Variants in NBPF14 observed in about 807,000 individuals in gnomAD.
NBPF14 encodes the protein NBPF member 14.
NBPF14 carries 104 observed loss-of-function variants against 91.2 expected under a neutral mutation model. The ratio of observed to expected loss-of-function variants is 1.14; its 90% CI spans 0.97 to 1.34. NBPF14 has a LOEUF of 1.34. Among genes scored for constraint, NBPF14 ranks in the 40% most tolerant of loss-of-function variants. The pLI, the probability that NBPF14 is intolerant of heterozygous loss-of-function variation, is 0.00. For missense variants in NBPF14, 908 were observed against 783.0 expected, an observed-to-expected ratio of 1.16 and a Z score of -1.91; for synonymous variants, 294 against 303.8, an observed-to-expected ratio of 0.97 and a Z score of 0.34.
Position 148,559,864 on chromosome 1 carries a change from G to C in NBPF14, c.4658C>G (p.Ser1553Ter). 8 of 1,481,318 alleles carry C rather than the reference G, an allele frequency of 5.4e-6. 2 individuals are homozygous for C. The South Asian group carries it at 8.7e-5, about 16-fold the overall frequency. 91.8% of individuals were successfully genotyped at this position (1,481,318 alleles called of 1,614,324 possible). Residue 1553 changes from serine (S) to a stop codon, truncating the protein, a stop_gained, in exon 37 of 71, where the codon TCA (serine) becomes TGA (stop). Transcript: ENST00000619423. LOFTEE classifies it high-confidence loss of function. Reference sequence around the variant, plus strand: ...AAAGGCACTTCTATAGGGCTGGCATGAGTCAGTCAGTTCAAGACAACCTGA... The same window carrying C: ...AAAGGCACTTCTATAGGGCTGGCATCAGTCAGTCAGTTCAAGACAACCTGA...
In NBPF14 at chr1:148,590,326, G is replaced by A. The variant is rs1335234654; in HGVS notation, c.778+431C>T. Among the ~76,000 whole-genome samples the A allele has an allele frequency of 1.0e-4, 15 of 143,976 alleles. 1 individual carries two copies. The South Asian group carries it at 1.2e-3, about 11-fold the overall frequency. 94.5% of individuals were successfully genotyped at this position (143,976 alleles called of 152,430 possible). A position where few individuals can be genotyped will look rare whatever the true frequency, so the allele number is the denominator to read the frequency against. On this transcript the variant is annotated intron_variant, in intron 6 of 70. Transcript: ENST00000619423. ...CCCGCCTCGGCCTCCCAAAGTGCTC[G>A]GATTACAGGTGTGACCCACTGCTCC...
chr1:148,572,497 T>G lies in NBPF14; in HGVS notation c.2704A>C (p.Ser902Arg), dbSNP rs1286378256. Residue 902 changes from serine to arginine, a missense_variant, in exon 21 of 71, where the codon AGT becomes CGT. This residue lies in a region of NBPF14 where 447 missense variants were observed against 189.1 expected (regional missense o/e 2.36). Coordinates refer to ENST00000619423, the Ensembl canonical transcript of NBPF14. ...TGTTCCTCCAATGAGTAAACAGCAC[T>G]GCTGTAGGGCTGGCCTAAGTCAGGC... 32 of 584,264 alleles carry G rather than the reference T, an allele frequency of 5.5e-5. 3 individuals carry two copies. Among genetic ancestry groups the G allele is most frequent in the Middle Eastern group, 8.2e-4 (2 of 2,438 alleles). 36.2% of individuals were successfully genotyped at this position (584,264 alleles called of 1,614,324 possible).
At position 148,579,878 on chromosome 1, in the gene NBPF14, AAC is replaced by A. The variant is rs1660640296; in HGVS notation, c.1638-643_1638-642del. Among the ~76,000 whole-genome samples, 3 of 152,134 alleles carry A rather than the reference AAC, an allele frequency of 2.0e-5. No homozygotes were observed. The South Asian group carries it at 6.2e-4, about 32-fold the overall frequency. ...GGACCTGACTGTTACAAGGAAAACTAACACAGAGAAAGGAATAGCATCAACAT... is the reference window on the plus strand; with the variant it reads ...GGACCTGACTGTTACAAGGAAAACTAACAGAGAAAGGAATAGCATCAACAT... On this transcript the variant is annotated intron_variant, in intron 12 of 70. Transcript: ENST00000619423.
At chr1:148,595,818 G>T in intron 1 of NBPF14, 37 bp downstream of exon 1, 1 of 653,484 alleles carries the variant, frequency 1.5e-6, no homozygotes, top group East Asian at 2.7e-5. Flanking sequence ...GTTTAATCAG[G>T]ACTGAGGGAT....
Position 148,587,097 on chromosome 1 carries a change from G to C in NBPF14, c.1091+204C>G, listed in dbSNP as rs1471878791. On this transcript the variant is annotated intron_variant, in intron 8 of 70. Coordinates refer to ENST00000619423, the Ensembl canonical transcript of NBPF14. ...TCAAAAATTACTTGTTTGAAAAAGA[G>C]AAAACAAGGCTCTGAGAAACAACTG... 1.2e-4 allele frequency among the ~76,000 whole-genome samples: 18 copies of C among 148,358 alleles called. 1 individual carries two copies. The highest frequency in any genetic ancestry group is 1.2e-3 in the Admixed American group (18 of 14,900).
intron 37 of NBPF14, 50 bp downstream of exon 37, chr1:148,559,743 T>A (rs1657375689): frequency 9.8e-7 from 1 of 1,016,028 alleles, no homozygotes; most frequent in East Asian, 2.7e-5. Flanking sequence ...AATATGACCC[T>A]AACCAGAAGA....
At position 148,560,169 on chromosome 1, in the gene NBPF14, C is replaced by G. The variant is rs1189447425; in HGVS notation, c.4557-204G>C. On this transcript the variant is annotated intron_variant, in intron 36 of 70. Transcript: ENST00000619423. Reference sequence around the variant, plus strand: ...AAAGAGAAAGACAGAGAGAGAGAGACAGAGACAGAGACAGAGACAGAGACA... The same window carrying G: ...AAAGAGAAAGACAGAGAGAGAGAGAGAGAGACAGAGACAGAGACAGAGACA... 8.9e-3 allele frequency among the ~76,000 whole-genome samples: 1,317 copies of G among 147,226 alleles called. 2 individuals carry two copies. The highest frequency in any genetic ancestry group is 0.035 in the African/African-American group (1,282 of 37,114).
intron 28 of NBPF14, among the ~76,000 whole-genome samples, 186 bp from the exon 29 acceptor site, chr1:148,566,501 A>G (rs1220557158): frequency 8.5e-6 from 1 of 118,122 alleles, no homozygotes; most frequent in African/African-American, 3.5e-5. Flanking sequence ...AATGAAAGAG[A>G]AAGACAGACA....
At chr1:148,587,546 C>G in intron 7 of NBPF14, 143 bp from the exon 8 acceptor site, 1 of 942,910 alleles carries the variant, frequency 1.1e-6, no homozygotes, top group Non-Finnish European at 1.6e-6. Flanking sequence ...AACATCTTTA[C>G]TCTTCAGTCT....
chr1:148,535,310 T>G lies in NBPF14; in HGVS notation c.8441+143A>C, dbSNP rs1272481340. On this transcript the variant is annotated intron_variant, in intron 68 of 70. Coordinates refer to ENST00000619423, the Ensembl canonical transcript of NBPF14. ...AAGAAATGGAAACCTAAACATCTACTGCAATGAAAACCAACAGCAATGTCA... is the reference window on the plus strand; with the variant it reads ...AAGAAATGGAAACCTAAACATCTACGGCAATGAAAACCAACAGCAATGTCA... The G allele has an allele frequency of 3.1e-5, 19 of 617,810 alleles. 1 individual carries two copies. Among genetic ancestry groups the G allele is most frequent in the East Asian group, 8.4e-5 (3 of 35,584 alleles). 38.3% of individuals were successfully genotyped at this position (617,810 alleles called of 1,614,324 possible).
At chr1:148,589,751 G>C (rs1339304626) in intron 6 of NBPF14, among the ~76,000 whole-genome samples, 2 of 143,274 alleles carry the variant, frequency 1.4e-5, no homozygotes, top group Admixed American at 1.4e-4. Flanking sequence ...TTTTTTGTTT[G>C]AGACGGAGTC....
chr1:148,551,734 A>T (rs1373354808), intron 47 of NBPF14, among the ~76,000 whole-genome samples: 1 of 18,960 alleles, frequency 5.3e-5, no homozygotes, highest in Non-Finnish European at 8.5e-5. Context: ...GTCCAATGTC[A>T]TGAGAATAGG....
chr1:148,571,253 A>C (rs1372040946), intron 22 of NBPF14, among the ~76,000 whole-genome samples: 1 of 87,532 alleles, frequency 1.1e-5, no homozygotes, highest in Non-Finnish European at 2.0e-5. Context: ...ACACACACAC[A>C]CACACACACA....
chr1:148,557,706 T>A lies in NBPF14; in HGVS notation c.4955-164A>T, dbSNP rs1375613657. Among the ~76,000 whole-genome samples the A allele has an allele frequency of 5.6e-3, 735 of 130,424 alleles. 235 individuals are homozygous for A. Among genetic ancestry groups the A allele is most frequent in the African/African-American group, 0.025 (708 of 28,496 alleles). The allele number at this position is 130,424 out of a possible 152,430, so 85.6% of individuals were successfully genotyped here. ...GCCTGAAAGCTGGTCATGATATTCC[T>A]TGCTTTGCATCTCAGAACCAAGGGT... is the stretch of plus-strand genomic sequence containing the variant. On this transcript the variant is annotated intron_variant, in intron 39 of 70. Transcript: ENST00000619423.
intron 24 of NBPF14, among the ~76,000 whole-genome samples, 182 bp from the exon 25 acceptor site, chr1:148,569,609 GA>G: frequency 2.8e-5 from 1 of 35,550 alleles, no homozygotes; most frequent in South Asian, 1.0e-3. Context: ...AACAATGAAA[GA>G]GAGAGACAGA....
exon 63 of NBPF14, chr1:148,539,558 C>T: frequency 3.8e-6 from 1 of 262,914 alleles, no homozygotes; most frequent in South Asian, 2.8e-5. Context: ...CAGGCTCTTT[C>T]TCATCCAGCA....
intron 34 of NBPF14, among the ~76,000 whole-genome samples, chr1:148,561,887 G>C (rs1243949635): frequency 7.6e-6 from 1 of 132,168 alleles, no homozygotes; most frequent in Non-Finnish European, 1.5e-5. Context: ...ACTGATGAGG[G>C]AGTAACAGGA....
chr1:148,566,247 G>A (rs1658236235), exon 29 of NBPF14: 5 of 624,894 alleles, frequency 8.0e-6, no homozygotes, highest in Admixed American at 7.2e-5. Flanking sequence ...GGAAGGAGTT[G>A]AATAACATCT....
chr1:148,560,240 G>A (rs1287337150), intron 36 of NBPF14, among the ~76,000 whole-genome samples: 1 of 149,248 alleles, frequency 6.7e-6, no homozygotes, highest in Non-Finnish European at 1.5e-5. Context: ...TACTGGTAAG[G>A]GAGTCAAAGG....
Sources: allele counts gnomAD v4.1 joint callset (sites outside exome capture counted in the v4.1 genomes callset), GRCh38; gene constraint gnomAD v4.1.1; regional missense constraint gnomAD v4.1.1; transcripts MANE v1.5; gene names NCBI Gene and HGNC (gene_info 2026-07-23, HGNC 2026-07-21).